Variants in BNC2 observed in about 807,000 individuals in gnomAD.
The protein encoded by BNC2 is zinc finger protein basonuclin-2.
BNC2 carries 20 observed loss-of-function variants against 76.3 expected under a neutral mutation model. That is an observed-to-expected ratio of 0.26 (90% CI 0.18 to 0.38). BNC2 has a LOEUF of 0.38. Ranked by LOEUF, BNC2 falls within the 10% of genes least tolerant of loss-of-function variation. The pLI, the probability that BNC2 is intolerant of heterozygous loss-of-function variation, is 1.00. For missense variants in BNC2, 1,382 were observed against 1,399.8 expected (o/e 0.99, Z 0.20); for synonymous variants, 582 against 514.8 (o/e 1.13, Z -1.77).
chr9:16,737,238 CTTTTTTTTTTTTTT>C (rs559930240), intron 2 of BNC2, among the ~76,000 whole-genome samples: 1 of 91,302 alleles, frequency 1.1e-5, no homozygotes, highest in African/African-American at 4.3e-5. Flanking sequence ...CACACCTGGC[CTTTTTTTTTTTTTT>C]TTTTTTTTTT....
At position 16,582,892 on chromosome 9, in the gene BNC2, GACACACACACACACACACACACACAC is replaced by G. The variant is rs149223772; in HGVS notation, c.433+65_433+90del. Reference sequence around the variant, plus strand: ...TCCAGGCCAGTGACTCCTCTAAACAGACACACACACACACACACACACACACACACACACACACACACGAACATGAA... The same window carrying G: ...TCCAGGCCAGTGACTCCTCTAAACAGACACACACACACACACGAACATGAA... On this transcript the variant is annotated intron_variant, in intron 4 of 6. Transcript: ENST00000380672. 49 of 627,046 alleles carry G rather than the reference GACACACACACACACACACACACACAC, an allele frequency of 7.8e-5. 2 individuals are homozygous for G. The highest frequency in any genetic ancestry group is 7.1e-4 in the South Asian group (40 of 56,714). The allele number at this position is 627,046 out of a possible 1,614,324, so 38.8% of individuals were successfully genotyped here. A position where few individuals can be genotyped will look rare whatever the true frequency, so the allele number is the denominator to read the frequency against.
intron 1 of BNC2, among the ~76,000 whole-genome samples, chr9:16,821,868 C>T (rs1301087892): frequency 2.0e-5 from 3 of 151,902 alleles, no homozygotes; most frequent in Admixed American, 1.3e-4. Context: ...CCAAGGCGGA[C>T]GGATCACGAG....
intron 3 of BNC2, among the ~76,000 whole-genome samples, chr9:16,708,296 G>T (rs1210336210): frequency 1.3e-5 from 2 of 152,194 alleles, no homozygotes; most frequent in Non-Finnish European, 2.9e-5. Flanking sequence ...TTAAAGTTCT[G>T]TAAGCTACGT....
intron 1 of BNC2, among the ~76,000 whole-genome samples, chr9:16,741,159 T>A (rs950003671): frequency 6.6e-6 from 1 of 151,996 alleles, no homozygotes; most frequent in South Asian, 2.1e-4. Flanking sequence ...GAAGAAAACA[T>A]TGGGTCCAAC....
At chr9:16,564,395 G>A (rs374772450) in intron 4 of BNC2, among the ~76,000 whole-genome samples, 1 of 152,150 alleles carries the variant, frequency 6.6e-6, no homozygotes, top group East Asian at 1.9e-4. Context: ...ACAGATGCTT[G>A]TAGTAAAGAT....
chr9:16,589,577 C>G (rs983171289), intron 3 of BNC2, among the ~76,000 whole-genome samples: 2 of 151,986 alleles, frequency 1.3e-5, no homozygotes, highest in Admixed American at 6.6e-5. Flanking sequence ...GGTGCAATCT[C>G]AGCTCACTGC....
intron 1 of BNC2, among the ~76,000 whole-genome samples, chr9:16,829,764 A>C (rs1054669213): frequency 2.0e-5 from 3 of 152,236 alleles, no homozygotes; most frequent in Non-Finnish European, 4.4e-5. Context: ...CTTGGGTTCT[A>C]CATATAAACA....
intron 3 of BNC2, among the ~76,000 whole-genome samples, chr9:16,672,089 C>T (rs562372459): frequency 6.6e-6 from 1 of 152,288 alleles, no homozygotes; most frequent in South Asian, 2.1e-4. Flanking sequence ...AGGGGTGTTG[C>T]TATGGCATCA....
At chr9:16,453,197 T>C (rs1821378602) in intron 5 of BNC2, among the ~76,000 whole-genome samples, 1 of 152,198 alleles carries the variant, frequency 6.6e-6, no homozygotes, top group Admixed American at 6.5e-5. Flanking sequence ...TGTTCATCTA[T>C]ACCCAAATCA....
chr9:16,773,245 C>G (rs543128607), intron 1 of BNC2, among the ~76,000 whole-genome samples: 1 of 152,280 alleles, frequency 6.6e-6, no homozygotes, highest in South Asian at 2.1e-4. Flanking sequence ...CCAGATCATA[C>G]AGTGAGTTGA....
At chr9:16,559,332 G>A (rs1273329607) in intron 4 of BNC2, among the ~76,000 whole-genome samples, 1 of 152,078 alleles carries the variant, frequency 6.6e-6, no homozygotes, top group African/African-American at 2.4e-5. Context: ...TTTATGTGTG[G>A]CCCAAGCCAA....
intron 6 of BNC2, among the ~76,000 whole-genome samples, chr9:16,422,081 C>T (rs940283489): frequency 1.3e-5 from 2 of 152,164 alleles, no homozygotes; most frequent in African/African-American, 4.8e-5. Context: ...ACTGATCACC[C>T]AGATGGACAC....
intron 3 of BNC2, chr9:16,665,092 GGT>G (rs888108220): frequency 1.3e-5 from 6 of 455,912 alleles, no homozygotes; most frequent in Middle Eastern, 3.2e-4. Context: ...CTTTCAGCCG[GGT>G]GCAGTGGCTC....
At chr9:16,698,551 G>C (rs1823408671) in intron 3 of BNC2, among the ~76,000 whole-genome samples, 1 of 152,028 alleles carries the variant, frequency 6.6e-6, no homozygotes, top group Admixed American at 6.5e-5. Context: ...AAATTAGCTG[G>C]GCGTGGTGGC....
At chr9:16,862,018 A>G (rs1266873846) in intron 1 of BNC2, among the ~76,000 whole-genome samples, 1 of 151,990 alleles carries the variant, frequency 6.6e-6, no homozygotes, top group African/African-American at 2.4e-5. Flanking sequence ...GACACATAAC[A>G]AGTGTTGAGG....
chr9:16,549,825 A>C (rs909816652), intron 5 of BNC2, among the ~76,000 whole-genome samples: 1 of 152,140 alleles, frequency 6.6e-6, no homozygotes, highest in Non-Finnish European at 1.5e-5. Context: ...AATGACAAAA[A>C]CCATCATTTA....
At chr9:16,511,077 G>C (rs1311535946) in intron 5 of BNC2, among the ~76,000 whole-genome samples, 1 of 147,594 alleles carries the variant, frequency 6.8e-6, no homozygotes, top group Non-Finnish European at 1.5e-5. Context: ...ATCTTTCTCA[G>C]AAAAGCTAAT....
chr9:16,590,569 A>G (rs1819897610), intron 3 of BNC2, among the ~76,000 whole-genome samples: 1 of 151,200 alleles, frequency 6.6e-6, no homozygotes, highest in South Asian at 2.1e-4. Context: ...AATCTCAGCA[A>G]TTTGGGAGGC....
intron 5 of BNC2, chr9:16,476,031 C>A (rs550832923): frequency 9.8e-5 from 15 of 152,294 alleles, no homozygotes; most frequent in African/African-American, 3.6e-4. Context: ...CCTATCAACT[C>A]CCTACCCAGG....
Sources: allele counts gnomAD v4.1 joint callset (sites outside exome capture counted in the v4.1 genomes callset), GRCh38; gene constraint gnomAD v4.1.1; transcripts MANE v1.5; gene names NCBI Gene and HGNC (gene_info 2026-07-23, HGNC 2026-07-21).